The following NAP1L1 variants were observed in gnomAD, a reference collection of about 807,000 sequenced individuals.
NAP1L1 encodes nucleosome assembly protein 1-like 1.
NAP1L1 carries 9 observed loss-of-function variants against 58.9 expected under a neutral mutation model. That is an observed-to-expected ratio of 0.15 (90% confidence interval 0.09 to 0.27). The LOEUF is 0.27. Among genes scored for constraint, NAP1L1 ranks in the 10% least tolerant of loss-of-function variants. The pLI, the probability that NAP1L1 is intolerant of heterozygous loss-of-function variation, is 1.00. For missense variants in NAP1L1, 302 were observed against 458.8 expected, an observed-to-expected ratio of 0.66 and a Z score of 3.12; for synonymous variants, 130 against 138.3, an observed-to-expected ratio of 0.94 and a Z score of 0.42.
At chr12:76,069,557 C>G (rs1949848595) in intron 2 of NAP1L1, among the ~76,000 whole-genome samples, 1 of 152,128 alleles carries the variant, frequency 6.6e-6, no homozygotes, top group African/African-American at 2.4e-5. Flanking sequence ...CACACTGGAC[C>G]AGGAGGCATC....
At chr12:76,053,054 C>T (rs1365946661) in intron 11 of NAP1L1, 37 bp downstream of exon 11, 1 of 1,569,382 alleles carries the variant, frequency 6.4e-7, no homozygotes, top group South Asian at 1.2e-5. Flanking sequence ...TTCAAATATA[C>T]TTAACAATTC....
At chr12:76,074,467 T>G in intron 1 of NAP1L1, 2 of 516,602 alleles carry the variant, frequency 3.9e-6, no homozygotes, top group Non-Finnish European at 2.5e-6. Context: ...ACAAAAAAGT[T>G]ACCACTAAGC....
At chr12:76,081,287 A>G (rs1290777323) in intron 1 of NAP1L1, among the ~76,000 whole-genome samples, 1 of 152,200 alleles carries the variant, frequency 6.6e-6, no homozygotes, top group Non-Finnish European at 1.5e-5. Context: ...CCTTGTTAAA[A>G]TGTTGATGCT....
At position 76,059,819 on chromosome 12, in the gene NAP1L1, T is replaced by C; in HGVS notation, c.408A>G (p.Pro136=). 1 of 1,604,280 alleles carries C rather than the reference T, an allele frequency of 6.2e-7. No individual in the cohort carries two copies. The highest frequency in any genetic ancestry group is 8.5e-7 in the Non-Finnish European group (1 of 1,176,296). The change falls in exon 6 of 15, where the codon CCA becomes CCG. Residue 136 remains proline (P), a synonymous_variant. Transcript: ENST00000618691. The stretch of plus-strand genomic sequence containing the variant: ...TAACCGAAATCTCATCTTCTTCATC[T>C]GGTTTCCATTCACATTCTTCTTCCG... ...EPTEEECEWK[P]DEEDEISEEL...
chr12:76,048,312 T>A lies in NAP1L1; in HGVS notation c.*117A>T. The A allele has an allele frequency of 3.2e-5, 37 of 1,145,642 alleles. No homozygotes were observed. The highest frequency in any genetic ancestry group is 5.9e-5 in the South Asian group (4 of 67,810). 71.0% of individuals were successfully genotyped at this position (1,145,642 alleles called of 1,614,324 possible). On this transcript the variant is annotated 3_prime_UTR_variant, in exon 15 of 15. Coordinates refer to ENST00000618691, the MANE Select transcript of NAP1L1 (RefSeq NM_004537.7). ...TTTAAAATATCAGTTTCCTGTCCTTTAAAAAAAAATTACCTAGTCTACCAA... is the reference window on the plus strand; with the variant it reads ...TTTAAAATATCAGTTTCCTGTCCTTAAAAAAAAAATTACCTAGTCTACCAA...
Position 76,069,064 on chromosome 12 carries a change from A to G in NAP1L1, c.18-70T>C, listed in dbSNP as rs113663549. On this transcript the variant is annotated intron_variant, in intron 2 of 14. Coordinates refer to ENST00000618691, the MANE Select transcript of NAP1L1 (RefSeq NM_004537.7). ...CCAAAAAAAGTTACAGAAAAACTTA[A>G]AATTCATTTTCAAAATTAGTATCTC... is the stretch of plus-strand genomic sequence containing the variant. 3.9e-5 allele frequency: 44 copies of G among 1,126,150 alleles called. 1 individual carries two copies. The highest frequency in any genetic ancestry group is 3.6e-4 in the African/African-American group (22 of 60,958). The allele number at this position is 1,126,150 out of a possible 1,614,324, so 69.8% of individuals were successfully genotyped here.
In NAP1L1 at chr12:76,067,474, CT is replaced by C; in HGVS notation, c.104-2del. 1.9e-6 allele frequency: 3 copies of C among 1,551,254 alleles called. No individual in the cohort carries two copies. The highest frequency in any genetic ancestry group is 1.4e-5 in the African/African-American group (1 of 71,096). On this transcript the variant is annotated splice_acceptor_variant, in intron 3 of 14. Transcript: ENST00000618691. LOFTEE classifies it high-confidence loss of function. ...ATCATCTGAACAGTTAGCTGACGTGCTTTAAAAAAAAAAGGGCATCGAAAGA... is the reference window on the plus strand; with the variant it reads ...ATCATCTGAACAGTTAGCTGACGTGCTTAAAAAAAAAAGGGCATCGAAAGA...
chr12:76,080,734 C>T (rs1225935424), intron 1 of NAP1L1, among the ~76,000 whole-genome samples: 1 of 152,156 alleles, frequency 6.6e-6, no homozygotes, highest in African/African-American at 2.4e-5. Flanking sequence ...TTTCATGCTG[C>T]TATGGTTTGA....
intron 1 of NAP1L1, chr12:76,083,887 G>A (rs1370978530): frequency 1.3e-5 from 2 of 152,250 alleles, no homozygotes; most frequent in Admixed American, 6.5e-5. Flanking sequence ...CACAGACCGA[G>A]GGCAAGGGTC....
chr12:76,068,915 GTT>G lies in NAP1L1; in HGVS notation c.95_96del (p.Lys32ThrfsTer25). On this transcript the variant is annotated frameshift_variant, in exon 3 of 15. Transcript: ENST00000618691. LOFTEE classifies it high-confidence loss of function. ...VEEEETGEET[K>X]LKARQLTVQM... ...AAGTAATTTAAAGTAATACCTTTGA[GTT>G]TTGTTTCTTCACCAGTTTCCTCTTC... is the stretch of plus-strand genomic sequence containing the variant. 8 of 1,609,206 alleles carry G rather than the reference GTT, an allele frequency of 5.0e-6. No homozygotes were observed. Among genetic ancestry groups the G allele is most frequent in the Non-Finnish European group, 6.8e-6 (8 of 1,175,964 alleles).
rs1160135737 is a variant in NAP1L1, at chr12:76,049,278, G to GAAGT, written c.1090-32_1090-29dup. On this transcript the variant is annotated intron_variant, in intron 13 of 14. Coordinates refer to ENST00000618691, the MANE Select transcript of NAP1L1 (RefSeq NM_004537.7). ...ATATTAAAGTTCAAAATGCATCCAT[G>GAAGT]AAGTATGTACATAGTAGGTAAACTG... 3 of 1,612,958 alleles carry GAAGT rather than the reference G, an allele frequency of 1.9e-6. No individual in the cohort carries two copies. The African/African-American group carries it at 4.0e-5, about 22-fold the overall frequency.
At chr12:76,068,676 G>A (rs935915360) in intron 3 of NAP1L1, 18 of 421,190 alleles carry the variant, frequency 4.3e-5, no homozygotes, top group African/African-American at 3.5e-4. Context: ...CACTCCAACA[G>A]TGCAGGATGC....
intron 5 of NAP1L1, 77 bp from the exon 6 acceptor site, chr12:76,059,955 G>C: frequency 7.7e-7 from 1 of 1,298,622 alleles, no homozygotes; most frequent in Non-Finnish European, 1.1e-6. Flanking sequence ...TCACTAAGAA[G>C]TCTTACAAAT....
chr12:76,064,311 C>G (rs1340592083), intron 4 of NAP1L1, among the ~76,000 whole-genome samples: 1 of 152,072 alleles, frequency 6.6e-6, no homozygotes, highest in African/African-American at 2.4e-5. Flanking sequence ...ATATTTCAAT[C>G]TACAAATGAC....
intron 4 of NAP1L1, among the ~76,000 whole-genome samples, chr12:76,062,052 A>G (rs1949441307): frequency 6.6e-6 from 1 of 152,218 alleles, no homozygotes. Flanking sequence ...AGCAGTGCGG[A>G]CAAACTGGAA....
chr12:76,039,493 C>T lies in NAP1L1; in HGVS notation c.*8936G>A, dbSNP rs1463535279. ...ATTGTATTGGGGCTGTGTTATACAA[C>T]ATTATAATAAATACAAACTCTTCAG... is the stretch of plus-strand genomic sequence containing the variant. On this transcript the variant is annotated 3_prime_UTR_variant, in exon 15 of 15. Coordinates refer to ENST00000618691, the MANE Select transcript of NAP1L1 (RefSeq NM_004537.7). 6.6e-6 allele frequency: 1 copy of T among 152,174 alleles called. No individual in the cohort carries two copies. Among genetic ancestry groups the T allele is most frequent in the African/African-American group, 2.4e-5 (1 of 41,436 alleles). The allele number at this position is 152,174 out of a possible 1,614,324, so 9.4% of individuals were successfully genotyped here. A position where few individuals can be genotyped will look rare whatever the true frequency, so the allele number is the denominator to read the frequency against.
chr12:76,078,082 T>C (rs1458970408), intron 1 of NAP1L1, among the ~76,000 whole-genome samples: 1 of 150,380 alleles, frequency 6.6e-6, no homozygotes, highest in Non-Finnish European at 1.5e-5. Flanking sequence ...GCTAACAAGA[T>C]AGTAAGGAAT....
Position 76,053,195 on chromosome 12 carries a change from C to T in NAP1L1, c.916+10G>A, listed in dbSNP as rs1483421308. The T allele has an allele frequency of 1.2e-6, 2 of 1,613,418 alleles. No homozygotes were observed. The highest frequency in any genetic ancestry group is 2.2e-5 in the East Asian group (1 of 44,836). On this transcript the variant is annotated intron_variant, in intron 10 of 14. Coordinates refer to ENST00000618691, the MANE Select transcript of NAP1L1 (RefSeq NM_004537.7). ...ACAACCGTTAATACTCAAGCTAAAACATTATTTACCTTCAGGAGGGGCAAA... is the reference window on the plus strand; with the variant it reads ...ACAACCGTTAATACTCAAGCTAAAATATTATTTACCTTCAGGAGGGGCAAA...
chr12:76,072,316 C>A (rs867833668), intron 2 of NAP1L1, among the ~76,000 whole-genome samples: 3,939 of 129,086 alleles, frequency 0.031, 135 homozygotes, highest in African/African-American at 0.1. Context: ...AAAAAAAAAA[C>A]AAAAAAACAG....
Sources: allele counts gnomAD v4.1 joint callset (sites outside exome capture counted in the v4.1 genomes callset), GRCh38; gene constraint gnomAD v4.1.1; transcripts MANE v1.5; gene names NCBI Gene and HGNC (gene_info 2026-07-23, HGNC 2026-07-21).